The following KATNIP variants were observed in gnomAD, a reference collection of about 807,000 sequenced individuals.
KATNIP encodes the protein katanin interacting protein.
KATNIP carries 126 observed loss-of-function variants against 174.0 expected under a neutral mutation model. That is an observed-to-expected ratio of 0.72 (90% CI 0.63 to 0.84). The LOEUF (loss-of-function observed/expected upper bound fraction) is 0.84. Ranked by LOEUF, KATNIP falls within the 40% of genes least tolerant of loss-of-function variation. The pLI is 0.00. For missense variants in KATNIP, 1,958 were observed against 2,109.7 expected (o/e 0.93, Z 1.41); for synonymous variants, 810 against 835.7 (o/e 0.97, Z 0.53).
Position 27,774,965 on chromosome 16 carries a change from A to T in KATNIP, c.4330A>T (p.Ser1444Cys). The T allele has an allele frequency of 6.2e-7, 1 of 1,613,956 alleles. No individual in the cohort carries two copies. The highest frequency in any genetic ancestry group is 8.5e-7 in the Non-Finnish European group (1 of 1,179,930). Residue 1444 changes from serine to cysteine, a missense_variant, in exon 24 of 28, where the codon AGC (serine) becomes TGC (cysteine). By Grantham distance (112) the Ser-to-Cys change is moderately radical. Transcript: ENST00000261588. Reference sequence around the variant, plus strand: ...CTCAGATATTGCGGCCTTCCCCGACAGCGTGAACTCCCTGGAGGGTGTGGG... The same window carrying T: ...CTCAGATATTGCGGCCTTCCCCGACTGCGTGAACTCCCTGGAGGGTGTGGG... ...SENNIAAFPD[S>C]VNSLEGVGGD... is the part of the protein sequence containing the mutation.
At chr16:27,741,046 G>T in intron 15 of KATNIP, 126 bp downstream of exon 15, 5 of 1,016,042 alleles carry the variant, frequency 4.9e-6, no homozygotes, top group Non-Finnish European at 7.1e-6. Flanking sequence ...CTCAACTAAG[G>T]GTCACAAAAT....
chr16:27,752,398 C>A (rs1267231289), intron 17 of KATNIP, among the ~76,000 whole-genome samples: 1 of 152,186 alleles, frequency 6.6e-6, no homozygotes, highest in Non-Finnish European at 1.5e-5. Flanking sequence ...TCATGACAAC[C>A]CTCTGAGTAG....
At chr16:27,601,308 C>G (rs945420222) in intron 2 of KATNIP, among the ~76,000 whole-genome samples, 2 of 152,216 alleles carry the variant, frequency 1.3e-5, no homozygotes, top group African/African-American at 4.8e-5. Context: ...GAGATACTTT[C>G]AGAGAGTGAG....
intron 22 of KATNIP, among the ~76,000 whole-genome samples, chr16:27,772,556 A>G (rs1202392828): frequency 6.6e-6 from 1 of 152,214 alleles, no homozygotes; most frequent in Non-Finnish European, 1.5e-5. Flanking sequence ...TTCAGCAGCA[A>G]TGGTGGTCTC....
intron 13 of KATNIP, among the ~76,000 whole-genome samples, chr16:27,719,938 C>G (rs938419655): frequency 1.3e-5 from 2 of 152,198 alleles, no homozygotes; most frequent in Non-Finnish European, 2.9e-5. Flanking sequence ...TCCCAAGTCA[C>G]TGGGATTAAA....
intron 3 of KATNIP, among the ~76,000 whole-genome samples, chr16:27,625,714 C>T (rs1300081093): frequency 6.6e-6 from 1 of 152,206 alleles, no homozygotes; most frequent in African/African-American, 2.4e-5. Context: ...CCCACAATGC[C>T]ACCACCTTCC....
chr16:27,656,344 G>A (rs1452935351), intron 6 of KATNIP, among the ~76,000 whole-genome samples: 1 of 150,666 alleles, frequency 6.6e-6, no homozygotes, highest in African/African-American at 2.5e-5. Flanking sequence ...CTTGAGCCCA[G>A]GAGGTTGAGG....
chr16:27,569,633 C>T (rs555643111), intron 1 of KATNIP, among the ~76,000 whole-genome samples: 2 of 152,304 alleles, frequency 1.3e-5, no homozygotes, highest in South Asian at 4.1e-4. Context: ...AAGCTAAGTG[C>T]GGTAGACAGG....
rs549207824 is a variant in KATNIP, at chr16:27,777,971, T to C, written c.4801+2T>C. 3.0e-5 allele frequency: 49 copies of C among 1,613,680 alleles called. No homozygotes were observed. The South Asian group carries it at 5.4e-4, about 18-fold the overall frequency. Reference sequence around the variant, plus strand: ...GGAAGCAGAGCGTTGTTGACCCAGGTCAGTGGCGTTTCTCTGCCCAGAGCA... The same window carrying C: ...GGAAGCAGAGCGTTGTTGACCCAGGCCAGTGGCGTTTCTCTGCCCAGAGCA... On this transcript the variant is annotated splice_donor_variant, in intron 27 of 27. Transcript: ENST00000261588. LOFTEE classifies it high-confidence loss of function. The surrounding 1 kb of genome is among the most constrained non-coding windows in gnomAD (Gnocchi z 4.4).
Position 27,776,777 on chromosome 16 carries a change from G to A in KATNIP, c.4450-151G>A, listed in dbSNP as rs116557767. The stretch of plus-strand genomic sequence containing the variant: ...CCTGACTCAAGATGGGCTTCGAGGA[G>A]ATGAAAGGGGGCGGAACTCCAGGCT... On this transcript the variant is annotated intron_variant, in intron 24 of 27. Coordinates refer to ENST00000261588, the MANE Select transcript of KATNIP (RefSeq NM_015202.5). This position sits in a 1 kb window ranked among gnomAD's most constrained non-coding sequence, Gnocchi z 4.7. 4.6e-4 allele frequency: 294 copies of A among 645,586 alleles called. 2 individuals are homozygous for A. In the African/African-American group the frequency reaches 5.0e-3, roughly 11 times the overall value. The allele number at this position is 645,586 out of a possible 1,614,324, so 40.0% of individuals were successfully genotyped here. A position where few individuals can be genotyped will look rare whatever the true frequency, so the allele number is the denominator to read the frequency against.
chr16:27,763,754 G>T (rs553829892), intron 19 of KATNIP, among the ~76,000 whole-genome samples: 2 of 152,218 alleles, frequency 1.3e-5, no homozygotes, highest in South Asian at 4.2e-4. Context: ...TCCAGATAAG[G>T]TCTATGTGTT....
chr16:27,622,556 G>A (rs544986466), intron 3 of KATNIP, among the ~76,000 whole-genome samples: 224 of 152,318 alleles, frequency 1.5e-3, no homozygotes, highest in Non-Finnish European at 2.4e-3. Context: ...GAGAGGGGCT[G>A]TAATATACAC....
At chr16:27,684,693 TG>T (rs1335267041) in intron 8 of KATNIP, among the ~76,000 whole-genome samples, 2 of 152,332 alleles carry the variant, frequency 1.3e-5, no homozygotes, top group Non-Finnish European at 2.9e-5. Flanking sequence ...CTGAAGGCAC[TG>T]GGGGGTAGTC....
Position 27,690,347 on chromosome 16 carries a change from T to TAGATAGATAGAG in KATNIP, c.941-7970_941-7969insGAGATAGATAGA, listed in dbSNP as rs2078676442. Among the ~76,000 whole-genome samples the TAGATAGATAGAG allele has an allele frequency of 7.1e-5, 9 of 127,612 alleles. No individual in the cohort carries two copies. In the South Asian group the frequency reaches 2.0e-3, roughly 28 times the overall value. The allele number at this position is 127,612 out of a possible 152,430, so 83.7% of individuals were successfully genotyped here. A position where few individuals can be genotyped will look rare whatever the true frequency, so the allele number is the denominator to read the frequency against. ...ATAGATAGATAGATAGATAGATAGA[T>TAGATAGATAGAG]AGATAGATAGATAGATGATAGATAG... On this transcript the variant is annotated intron_variant, in intron 8 of 27. Coordinates refer to ENST00000261588, the MANE Select transcript of KATNIP (RefSeq NM_015202.5).
intron 2 of KATNIP, among the ~76,000 whole-genome samples, chr16:27,600,633 C>T (rs991168941): frequency 1.3e-5 from 2 of 151,946 alleles, no homozygotes; most frequent in Non-Finnish European, 2.9e-5. Context: ...TTTTACAATT[C>T]GGTGTCTTGT....
intron 6 of KATNIP, among the ~76,000 whole-genome samples, chr16:27,671,453 G>A (rs959284089): frequency 7.9e-5 from 12 of 152,258 alleles, no homozygotes; most frequent in South Asian, 2.1e-4. Flanking sequence ...TATTTAATCC[G>A]TCTCTCATTG....
intron 1 of KATNIP, among the ~76,000 whole-genome samples, chr16:27,561,927 A>G (rs1413266648): frequency 6.6e-6 from 1 of 152,218 alleles, no homozygotes. Context: ...TCCTGGCCAG[A>G]GTTTATTTCA....
intron 22 of KATNIP, 45 bp from the exon 23 acceptor site, chr16:27,773,054 G>GAA: frequency 9.4e-5 from 91 of 969,988 alleles, no homozygotes; most frequent in Middle Eastern, 2.3e-4. Flanking sequence ...ACTATATTCT[G>GAA]AAAAAAAAAA....
chr16:27,707,960 T>C (rs951305486), intron 12 of KATNIP, among the ~76,000 whole-genome samples: 7 of 152,156 alleles, frequency 4.6e-5, no homozygotes, highest in Non-Finnish European at 8.8e-5. Context: ...ACAGTCATAT[T>C]CTGAGGTACT....
Sources: allele counts gnomAD v4.1 joint callset (sites outside exome capture counted in the v4.1 genomes callset), GRCh38; gene constraint gnomAD v4.1.1; non-coding constraint Gnocchi (gnomAD v3.1); transcripts MANE v1.5; gene names NCBI Gene and HGNC (gene_info 2026-07-23, HGNC 2026-07-21).